Variants in UBAC2 observed in about 807,000 individuals in gnomAD.
The protein encoded by UBAC2 is ubiquitin-associated domain-containing protein 2.
A neutral mutation model predicts 44.0 loss-of-function variants in UBAC2; 26 were observed. The observed-to-expected ratio is 0.59, with a 90% CI of 0.43 to 0.82. The LOEUF (loss-of-function observed/expected upper bound fraction) is 0.82, where lower values mean the gene tolerates loss of function less well. Among genes scored for constraint, UBAC2 ranks in the 40% least tolerant of loss-of-function variants. The pLI is 0.00. For missense variants in UBAC2, 329 were observed against 419.4 expected (o/e 0.78, Z 1.88); for synonymous variants, 155 against 154.3 (o/e 1.00, Z -0.04).
intron 6 of UBAC2, among the ~76,000 whole-genome samples, chr13:99,328,346 T>C (rs768684074): frequency 1.3e-5 from 2 of 152,242 alleles, no homozygotes; most frequent in African/African-American, 2.4e-5. Flanking sequence ...TGTGGACATA[T>C]GTTTTCCTTC....
rs548726074 is a variant in UBAC2, at chr13:99,321,038, A to G, written c.561+2969A>G. The stretch of plus-strand genomic sequence containing the variant: ...TATTCAGTGTTTTGGGGAATGTTAC[A>G]AAACCTGTTGATGAGATTTCACATT... On this transcript the variant is annotated intron_variant, in intron 6 of 8. Coordinates refer to ENST00000403766, the MANE Select transcript of UBAC2 (RefSeq NM_001144072.2). Among the ~76,000 whole-genome samples the G allele has an allele frequency of 4.6e-5, 7 of 152,388 alleles. No individual in the cohort carries two copies. The South Asian group carries it at 1.4e-3, about 32-fold the overall frequency.
intron 6 of UBAC2, among the ~76,000 whole-genome samples, chr13:99,324,410 GAGAAA>G (rs145263565): frequency 0.096 from 14,576 of 152,208 alleles, 850 homozygotes; most frequent in South Asian, 0.26. Flanking sequence ...CCTTTGCCAT[GAGAAA>G]AGCAGGGCCC....
chr13:99,213,939 C>T (rs1158676621), intron 1 of UBAC2, among the ~76,000 whole-genome samples: 1 of 152,096 alleles, frequency 6.6e-6, no homozygotes, highest in African/African-American at 2.4e-5. Flanking sequence ...CCTGTCTCAG[C>T]CTTCTAGTAG....
At chr13:99,273,859 T>C (rs1358744120) in intron 4 of UBAC2, among the ~76,000 whole-genome samples, 1 of 151,098 alleles carries the variant, frequency 6.6e-6, no homozygotes, top group Non-Finnish European at 1.5e-5. Context: ...GGTCCAGTTT[T>C]CATCTTTTTT....
chr13:99,214,966 C>T (rs188934305), intron 1 of UBAC2, among the ~76,000 whole-genome samples: 5 of 151,604 alleles, frequency 3.3e-5, no homozygotes, highest in Admixed American at 3.3e-4. Flanking sequence ...TCATGACTCC[C>T]TTTTCAGTTC....
chr13:99,341,424 G>C (rs1472897809), intron 7 of UBAC2, among the ~76,000 whole-genome samples: 1 of 150,734 alleles, frequency 6.6e-6, no homozygotes, highest in African/African-American at 2.4e-5. Flanking sequence ...TATCAGGGGG[G>C]GGGAGGAAGG....
chr13:99,351,834 T>C lies in UBAC2; in HGVS notation c.807+11269T>C, dbSNP rs572757183. Reference sequence around the variant, plus strand: ...TCTTTTAACTGCCTCCTCATCTCATTGGGCTGCCCGGTGTTAACTGGTTGA... The same window carrying C: ...TCTTTTAACTGCCTCCTCATCTCATCGGGCTGCCCGGTGTTAACTGGTTGA... On this transcript the variant is annotated intron_variant, in intron 7 of 8. Coordinates refer to ENST00000403766, the MANE Select transcript of UBAC2 (RefSeq NM_001144072.2). The C allele has an allele frequency of 6.0e-5, 27 of 452,608 alleles. No individual in the cohort carries two copies. In the East Asian group the frequency reaches 1.9e-3, roughly 32 times the overall value. The allele number at this position is 452,608 out of a possible 1,614,324, so 28.0% of individuals were successfully genotyped here. A position where few individuals can be genotyped will look rare whatever the true frequency, so the allele number is the denominator to read the frequency against.
chr13:99,309,215 A>G (rs1417633606), intron 4 of UBAC2, among the ~76,000 whole-genome samples: 4 of 151,984 alleles, frequency 2.6e-5, no homozygotes. Flanking sequence ...GCTTCAAGCA[A>G]TTCTCCTGCC....
intron 2 of UBAC2, among the ~76,000 whole-genome samples, chr13:99,243,233 CTTT>C (rs773750160): frequency 2.1e-5 from 2 of 94,252 alleles, no homozygotes; most frequent in Admixed American, 1.1e-4. Context: ...TTGAGTAGCT[CTTT>C]TTTTTTTTTT....
At chr13:99,356,496 G>T (rs931268818) in intron 7 of UBAC2, among the ~76,000 whole-genome samples, 10 of 152,224 alleles carry the variant, frequency 6.6e-5, no homozygotes, top group African/African-American at 2.4e-4. Context: ...CTGCCTAGAA[G>T]AAATAGTACT....
At chr13:99,364,612 A>G (rs1038736004) in intron 7 of UBAC2, among the ~76,000 whole-genome samples, 12 of 152,044 alleles carry the variant, frequency 7.9e-5, no homozygotes, top group Non-Finnish European at 1.5e-4. Context: ...CATACACTTC[A>G]CCTGTAGGTT....
At chr13:99,275,493 T>A (rs2043869835) in intron 4 of UBAC2, among the ~76,000 whole-genome samples, 1 of 152,234 alleles carries the variant, frequency 6.6e-6, no homozygotes, top group Non-Finnish European at 1.5e-5. Flanking sequence ...GTTTTGGTTT[T>A]CTTAAAAATA....
intron 4 of UBAC2, among the ~76,000 whole-genome samples, chr13:99,281,940 G>A (rs2043959744): frequency 6.6e-6 from 1 of 152,306 alleles, no homozygotes; most frequent in Admixed American, 6.5e-5. Flanking sequence ...AAAAGGGCGT[G>A]TAAGCTGTTG....
intron 4 of UBAC2, among the ~76,000 whole-genome samples, chr13:99,299,458 A>ACG (rs1302637475): frequency 6.7e-6 from 1 of 149,886 alleles, no homozygotes; most frequent in Non-Finnish European, 1.5e-5. Flanking sequence ...ATACACACAC[A>ACG]CACGCACACA....
At chr13:99,367,346 C>T (rs2045344937) in intron 7 of UBAC2, among the ~76,000 whole-genome samples, 1 of 152,180 alleles carries the variant, frequency 6.6e-6, no homozygotes, top group African/African-American at 2.4e-5. Flanking sequence ...ATTTTAAGGG[C>T]CGTGATGGAA....
chr13:99,215,540 T>C, intron 1 of UBAC2: 1 of 1,472,668 alleles, frequency 6.8e-7, no homozygotes, highest in Non-Finnish European at 9.5e-7. Flanking sequence ...AGTCTTTTGA[T>C]GCATTTCCTG....
intron 7 of UBAC2, among the ~76,000 whole-genome samples, chr13:99,344,855 AC>A (rs1487836379): frequency 1.3e-5 from 2 of 152,216 alleles, no homozygotes; most frequent in Non-Finnish European, 2.9e-5. Context: ...CGCTGTGGGC[AC>A]AAAATAAATG....
intron 4 of UBAC2, among the ~76,000 whole-genome samples, chr13:99,305,765 T>C (rs1250447792): frequency 6.6e-6 from 1 of 152,188 alleles, no homozygotes; most frequent in Non-Finnish European, 1.5e-5. Flanking sequence ...AGCATATTCT[T>C]TGTGGTTTTA....
intron 5 of UBAC2, among the ~76,000 whole-genome samples, chr13:99,314,548 C>G (rs1344900191): frequency 6.6e-6 from 1 of 152,066 alleles, no homozygotes; most frequent in Non-Finnish European, 1.5e-5. Context: ...CAAATGAGAA[C>G]AATCAAAAAG....
Sources: allele counts gnomAD v4.1 joint callset (sites outside exome capture counted in the v4.1 genomes callset), GRCh38; gene constraint gnomAD v4.1.1; transcripts MANE v1.5; gene names NCBI Gene and HGNC (gene_info 2026-07-23, HGNC 2026-07-21).